The following RIMS2 variants were observed in gnomAD, a reference collection of about 807,000 sequenced individuals.
RIMS2 encodes the protein regulating synaptic membrane exocytosis protein 2.
Under a neutral mutation model 174.4 loss-of-function variants are expected in RIMS2, and 59 were observed. That is an observed-to-expected ratio of 0.34 (90% CI 0.27 to 0.42). The LOEUF is 0.42. RIMS2 is among the 10% of genes least tolerant of loss of function. The probability of loss-of-function intolerance (pLI) is 1.00; values close to 1 mark genes in which losing one functional copy is unlikely to be tolerated. For synonymous variants in RIMS2, 606 were observed against 572.5 expected, an observed-to-expected ratio of 1.06 and a Z score of -0.84; for missense variants, 1,620 against 1,666.3, an observed-to-expected ratio of 0.97 and a Z score of 0.48.
At chr8:103,569,791 T>C (rs891943868) in intron 1 of RIMS2, among the ~76,000 whole-genome samples, 16 of 98,684 alleles carry the variant, frequency 1.6e-4, no homozygotes, top group African/African-American at 6.7e-4. Context: ...TAATTTTAAT[T>C]TTTTTTTTTT....
chr8:103,500,721 T>TC (rs1476596242), upstream of RIMS2: 1 of 525,326 alleles, frequency 1.9e-6, no homozygotes, highest in Non-Finnish European at 3.4e-6. Context: ...CGCCCTCCCC[T>TC]CCCCCTGCTT....
intron 9 of RIMS2, among the ~76,000 whole-genome samples, chr8:103,919,105 C>A (rs2077132497): frequency 6.6e-6 from 1 of 151,664 alleles, no homozygotes; most frequent in African/African-American, 2.4e-5. Context: ...TAATTTTTTC[C>A]AATGAACTAA....
chr8:103,815,444 T>C (rs1004840473), intron 3 of RIMS2, among the ~76,000 whole-genome samples: 2 of 152,200 alleles, frequency 1.3e-5, no homozygotes, highest in Non-Finnish European at 2.9e-5. Context: ...ACACTTCTTC[T>C]GTTAGAACTC....
At chr8:104,103,772 A>G (rs1417752075) in intron 19 of RIMS2, among the ~76,000 whole-genome samples, 3 of 152,198 alleles carry the variant, frequency 2.0e-5, no homozygotes, top group Non-Finnish European at 4.4e-5. Flanking sequence ...CTACATATTG[A>G]AGATTCTCAA....
intron 1 of RIMS2, among the ~76,000 whole-genome samples, chr8:103,509,402 T>C (rs1825374797): frequency 6.6e-6 from 1 of 152,136 alleles, no homozygotes; most frequent in Admixed American, 6.6e-5. Flanking sequence ...TTTTAAACTA[T>C]CACACAATCT....
At chr8:103,576,387 C>T (rs931959092) in intron 1 of RIMS2, among the ~76,000 whole-genome samples, 5 of 152,122 alleles carry the variant, frequency 3.3e-5, no homozygotes, top group Admixed American at 6.6e-5. Flanking sequence ...ATAGGTAAGA[C>T]TGGAATAAAT....
intron 17 of RIMS2, among the ~76,000 whole-genome samples, chr8:103,996,147 C>T (rs922698827): frequency 2.0e-5 from 3 of 151,758 alleles, no homozygotes; most frequent in Admixed American, 6.6e-5. Flanking sequence ...TGTAGAGGTA[C>T]CTGAGAGACT....
At chr8:104,222,394 A>C (rs2099159504) in intron 19 of RIMS2, among the ~76,000 whole-genome samples, 1 of 152,240 alleles carries the variant, frequency 6.6e-6, no homozygotes, top group Non-Finnish European at 1.5e-5. Context: ...TCTAGGAACT[A>C]TTTATTGAAT....
intron 19 of RIMS2, among the ~76,000 whole-genome samples, chr8:104,025,637 A>G (rs1011921255): frequency 6.6e-6 from 1 of 152,036 alleles, no homozygotes; most frequent in Non-Finnish European, 1.5e-5. Flanking sequence ...ACAAAATCTG[A>G]AAATTTTTGT....
intron 2 of RIMS2, among the ~76,000 whole-genome samples, chr8:103,711,393 G>GT (rs1295832755): frequency 1.3e-5 from 2 of 152,228 alleles, no homozygotes; most frequent in Non-Finnish European, 2.9e-5. Context: ...CTCTTCTATT[G>GT]TTTTTAGAAT....
intron 1 of RIMS2, among the ~76,000 whole-genome samples, chr8:103,634,840 C>G (rs1271820167): frequency 6.6e-6 from 1 of 151,934 alleles, no homozygotes; most frequent in Admixed American, 6.6e-5. Context: ...GATTGTCAAC[C>G]CTGCTTTTTT....
chr8:103,735,492 G>A (rs1238156466), intron 2 of RIMS2, among the ~76,000 whole-genome samples: 1 of 151,606 alleles, frequency 6.6e-6, no homozygotes, highest in Admixed American at 6.6e-5. Context: ...TTTATTTGAA[G>A]TTCTTTTGGT....
chr8:103,595,827 G>A (rs557011504), intron 1 of RIMS2, among the ~76,000 whole-genome samples: 13 of 151,908 alleles, frequency 8.6e-5, no homozygotes, highest in Admixed American at 7.9e-4. Context: ...AAGAAATGAG[G>A]ACTTCCTCTT....
At chr8:104,122,558 A>G (rs951814434) in intron 19 of RIMS2, among the ~76,000 whole-genome samples, 8 of 152,172 alleles carry the variant, frequency 5.3e-5, no homozygotes, top group Non-Finnish European at 5.9e-5. Context: ...TGGGATGTCA[A>G]TAGGGTTAGG....
chr8:103,756,545 C>T (rs2098012875), intron 2 of RIMS2, among the ~76,000 whole-genome samples: 1 of 151,860 alleles, frequency 6.6e-6, no homozygotes, highest in African/African-American at 2.4e-5. Flanking sequence ...ACTGATCCTC[C>T]TGTCTCAGCC....
chr8:104,002,078 C>T (rs907571134), intron 17 of RIMS2, among the ~76,000 whole-genome samples: 2 of 152,084 alleles, frequency 1.3e-5, no homozygotes, highest in Non-Finnish European at 2.9e-5. Context: ...CTACTTTGGT[C>T]GGTCACTCTC....
rs1179455967 is a variant in RIMS2, at chr8:103,590,332, C to A, written c.176+89270C>A. 6.6e-5 allele frequency among the ~76,000 whole-genome samples: 10 copies of A among 151,302 alleles called. No homozygotes were observed. The East Asian group carries it at 1.9e-3, about 29-fold the overall frequency. ...GCTTCAGGATACAAAAATCATTATA[C>A]AGAAATCAGTATCATTAAATACAGC... On this transcript the variant is annotated intron_variant, in intron 1 of 23. Coordinates refer to ENST00000504942, the Ensembl canonical transcript of RIMS2.
intron 3 of RIMS2, among the ~76,000 whole-genome samples, chr8:103,773,354 A>G (rs1004841560): frequency 7.2e-5 from 11 of 152,246 alleles, no homozygotes; most frequent in African/African-American, 2.4e-4. Context: ...AGAAATTGGA[A>G]TAAGCTGTTT....
intron 1 of RIMS2, among the ~76,000 whole-genome samples, chr8:103,681,722 A>T (rs573145593): frequency 6.6e-6 from 1 of 152,242 alleles, no homozygotes; most frequent in South Asian, 2.1e-4. Flanking sequence ...ATAGGTCCTC[A>T]TAAGATTTTT....
Sources: gnomAD v4.1 joint callset for allele counts (sites outside exome capture counted in the v4.1 genomes callset) on GRCh38, gnomAD v4.1.1 for gene constraint, MANE v1.5 for transcripts, NCBI Gene and HGNC (gene_info 2026-07-23, HGNC 2026-07-21) for gene names.